Variants in TPM2 observed in about 807,000 individuals in gnomAD.
TPM2 encodes the protein tropomyosin 2, also known as tropomyosin beta chain.
TPM2 carries 26 observed loss-of-function variants against 41.0 expected under a neutral mutation model. That is an observed-to-expected ratio of 0.63 (90% confidence interval 0.46 to 0.88). The LOEUF (loss-of-function observed/expected upper bound fraction) is 0.88, where lower values mean the gene tolerates loss of function less well. Ranked by LOEUF, TPM2 falls within the 40% of genes least tolerant of loss-of-function variation. The pLI is 0.00. For missense variants in TPM2, 187 were observed against 355.2 expected, an observed-to-expected ratio of 0.53 and a Z score of 3.81; for synonymous variants, 143 against 139.3, an observed-to-expected ratio of 1.03 and a Z score of -0.19.
Position 35,684,741 on chromosome 9 carries a change from C to T in TPM2, c.630G>A (p.Gln210=), listed in dbSNP as rs745802282. 1 of 1,614,118 alleles carries T rather than the reference C, an allele frequency of 6.2e-7. No individual in the cohort carries two copies. The highest frequency in any genetic ancestry group is 1.7e-5 in the Admixed American group (1 of 60,012). ...CTCTGCTCCCCTCTACCTTGTCCGC[C>T]TGGGCCTCCAGGGATTTCAAGTTGT... is the stretch of plus-strand genomic sequence containing the variant. ...VTNNLKSLEA[Q]ADKYSTKEDK... The change falls in exon 6 of 9, where the codon CAG becomes CAA. Residue 210 remains glutamine (Q), a synonymous_variant. Transcript: ENST00000645482.
At chr9:35,688,987 TG>T (rs1825095288) in intron 2 of TPM2, among the ~76,000 whole-genome samples, 158 bp downstream of exon 2, 2 of 152,192 alleles carry the variant, frequency 1.3e-5, no homozygotes, top group South Asian at 4.1e-4. Flanking sequence ...GGATTACTTG[TG>T]TAAGTTTACC....
At chr9:35,687,205 T>C (rs139729995) in intron 2 of TPM2, among the ~76,000 whole-genome samples, 70 of 152,288 alleles carry the variant, frequency 4.6e-4, no homozygotes, top group African/African-American at 1.6e-3. Flanking sequence ...TCTTACTCCA[T>C]GCTAGATCCA....
chr9:35,682,009 T>G, downstream of TPM2: 17 of 1,519,302 alleles, frequency 1.1e-5, no homozygotes, highest in Non-Finnish European at 1.4e-5. Flanking sequence ...TAAAGGGCCT[T>G]GAGAGGCTAG....
chr9:35,689,327 G>T, intron 1 of TPM2, 56 bp from the exon 2 acceptor site: 1 of 1,610,504 alleles, frequency 6.2e-7, no homozygotes. Context: ...GCCCAGAATG[G>T]AGACGCGGTG....
In TPM2 at chr9:35,689,685, C is replaced by G; in HGVS notation, c.114+19G>C. The G allele has an allele frequency of 6.2e-7, 1 of 1,611,848 alleles. No individual in the cohort carries two copies. Among genetic ancestry groups the G allele is most frequent in the Non-Finnish European group, 8.5e-7 (1 of 1,179,678 alleles). ...CCCTAGGCGCGGGGAGAGCAGGCTGCACTGGGCCCGGCCCTAACCTGCTTG... is the reference window on the plus strand; with the variant it reads ...CCCTAGGCGCGGGGAGAGCAGGCTGGACTGGGCCCGGCCCTAACCTGCTTG... On this transcript the variant is annotated intron_variant, in intron 1 of 8. Coordinates refer to ENST00000645482, the MANE Select transcript of TPM2 (RefSeq NM_003289.4).
rs1192243561 is a variant in TPM2, at chr9:35,689,896, G to T, written c.-79C>A. 5.0e-6 allele frequency: 8 copies of T among 1,607,052 alleles called. No homozygotes were observed. The East Asian group carries it at 8.9e-5, about 18-fold the overall frequency. ...GCTGGGTGAGCGGACTGGGTGCACC[G>T]GTGGCAGGCGAGGAGGACGGAGCGG... On this transcript the variant is annotated 5_prime_UTR_variant, in exon 1 of 9. Coordinates refer to ENST00000645482, the MANE Select transcript of TPM2 (RefSeq NM_003289.4).
downstream of TPM2, chr9:35,682,214 G>C: frequency 6.3e-7 from 1 of 1,592,412 alleles, no homozygotes; most frequent in Non-Finnish European, 8.6e-7. Flanking sequence ...AGGGGGAGAC[G>C]TGGGGAGGCA....
chr9:35,686,750 G>A (rs963229882), intron 2 of TPM2, among the ~76,000 whole-genome samples: 1 of 152,156 alleles, frequency 6.6e-6, no homozygotes, highest in Non-Finnish European at 1.5e-5. Context: ...ACCCATGGCT[G>A]TAGCAAGGGG....
At chr9:35,688,942 G>A (rs535493090) in intron 2 of TPM2, among the ~76,000 whole-genome samples, 3 of 152,338 alleles carry the variant, frequency 2.0e-5, no homozygotes, top group African/African-American at 4.8e-5. Flanking sequence ...TCCTCTGGGG[G>A]AAGTGGTAGG....
rs751117895 is a variant in TPM2, at chr9:35,689,241, T to G, written c.145A>C (p.Lys49Gln). The G allele has an allele frequency of 6.2e-7, 1 of 1,614,222 alleles. No individual in the cohort carries two copies. Among genetic ancestry groups the G allele is most frequent in the Non-Finnish European group, 8.5e-7 (1 of 1,180,032 alleles). ...ACCTCATCCTCTGTCCCCTTCAGCTTCTTCTGGAGGGCCTGCTGCTCCTCC... is the reference window on the plus strand; with the variant it reads ...ACCTCATCCTCTGTCCCCTTCAGCTGCTTCTGGAGGGCCTGCTGCTCCTCC... The part of the protein sequence containing the change: ...LEEEQQALQK[K>Q]LKGTEDEVEK... The change falls in exon 2 of 9, where the codon AAG (lysine) becomes CAG (glutamine). Residue 49 changes from lysine (K) to glutamine (Q), a missense_variant. Physicochemically the swap from Lys to Gln is moderately conservative, Grantham distance 53. Transcript: ENST00000645482.
At chr9:35,689,353 C>G (rs1420214190) in intron 1 of TPM2, 82 bp from the exon 2 acceptor site, 2 of 1,586,274 alleles carry the variant, frequency 1.3e-6, no homozygotes, top group Non-Finnish European at 1.7e-6. Flanking sequence ...AGGGGCGCTA[C>G]TAAGATTTGG....
At chr9:35,684,619 G>A (rs888347095) in intron 6 of TPM2, 69 bp from the exon 7 acceptor site, 12 of 1,612,774 alleles carry the variant, frequency 7.4e-6, no homozygotes, top group South Asian at 6.6e-5. Context: ...ATTGTACCCC[G>A]TAGGCTCCTG....
At chr9:35,682,902 T>C (rs750627298), downstream of TPM2, 14 of 1,486,092 alleles carry the variant, frequency 9.4e-6, no homozygotes, top group South Asian at 1.8e-4. Flanking sequence ...ATAGAGGTGC[T>C]CTCTGGAGGG....
intron 6 of TPM2, 62 bp from the exon 7 acceptor site, chr9:35,684,612 G>A: frequency 6.2e-7 from 1 of 1,613,232 alleles, no homozygotes; most frequent in African/African-American, 1.3e-5. Context: ...TTTCTCCATT[G>A]TACCCCGTAG....
Position 35,689,905 on chromosome 9 carries a change from C to G in TPM2, c.-88G>C. On this transcript the variant is annotated 5_prime_UTR_variant, in exon 1 of 9. Transcript: ENST00000645482. ...GCGGACTGGGTGCACCGGTGGCAGG[C>G]GAGGAGGACGGAGCGGGACTGGGAC... The G allele has an allele frequency of 1.0e-5, 16 of 1,604,180 alleles. No individual in the cohort carries two copies. Among genetic ancestry groups the G allele is most frequent in the East Asian group, 2.2e-5 (1 of 44,644 alleles).
intron 6 of TPM2, 68 bp from the exon 7 acceptor site, chr9:35,684,618 C>G (rs1048819568): frequency 1.1e-5 from 18 of 1,613,262 alleles, no homozygotes; most frequent in Non-Finnish European, 1.5e-5. Flanking sequence ...CATTGTACCC[C>G]GTAGGCTCCT....
intron 2 of TPM2, among the ~76,000 whole-genome samples, chr9:35,687,021 T>C (rs1824958345): frequency 6.6e-6 from 1 of 152,226 alleles, no homozygotes; most frequent in African/African-American, 2.4e-5. Flanking sequence ...ACTCAACACC[T>C]GTGTAACTGT....
intron 1 of TPM2, 194 bp from the exon 2 acceptor site, chr9:35,689,465 G>A (rs756420794): frequency 2.2e-6 from 2 of 917,356 alleles, no homozygotes; most frequent in Non-Finnish European, 2.6e-6. Context: ...GCCCCAAGGA[G>A]CAGGACCAAC....
Position 35,686,130 on chromosome 9 carries a change from A to G in TPM2, c.241-350T>C, listed in dbSNP as rs559131006. ...CCAGGCATGGTGGCGCATGCCTGTA[A>G]TCCCAGCTACTTGGGAGGCTGAGGC... On this transcript the variant is annotated intron_variant, in intron 2 of 8. Transcript: ENST00000645482. Among the ~76,000 whole-genome samples, 11 of 152,324 alleles carry G rather than the reference A, an allele frequency of 7.2e-5. 1 individual carries two copies. In the South Asian group the frequency reaches 1.9e-3, roughly 26 times the overall value.
Sources: gnomAD v4.1 joint callset for allele counts (sites outside exome capture counted in the v4.1 genomes callset) on GRCh38, gnomAD v4.1.1 for gene constraint, MANE v1.5 for transcripts, NCBI Gene and HGNC (gene_info 2026-07-23, HGNC 2026-07-21) for gene names.